The following ENOX1 variants were observed in gnomAD, a reference collection of about 807,000 sequenced individuals.
ENOX1 encodes the protein candidate growth-related and time keeping constitutive hydroquinone (NADH) oxidase.
Under a neutral mutation model 82.5 loss-of-function variants are expected in ENOX1, and 42 were observed. That is an observed-to-expected ratio of 0.51 (90% CI 0.40 to 0.66). ENOX1 has a LOEUF of 0.66. ENOX1 is among the 30% of genes least tolerant of loss of function. The probability of loss-of-function intolerance (pLI) is 0.00; values close to 1 mark genes in which losing one functional copy is unlikely to be tolerated. For missense variants in ENOX1, 608 were observed against 811.6 expected (o/e 0.75, Z 3.05); for synonymous variants, 271 against 282.2 (o/e 0.96, Z 0.40).
At chr13:43,348,016 C>G (rs1311505766) in intron 8 of ENOX1, among the ~76,000 whole-genome samples, 2 of 152,190 alleles carry the variant, frequency 1.3e-5, no homozygotes, top group South Asian at 2.1e-4. Flanking sequence ...TTTTTCCCTT[C>G]CATCCGTCCG....
intron 4 of ENOX1, 128 bp from the exon 5 acceptor site, chr13:43,412,181 C>A: frequency 2.8e-6 from 3 of 1,055,310 alleles, no homozygotes; most frequent in Non-Finnish European, 2.7e-6. Flanking sequence ...AAATAAAGAA[C>A]TATAATCTGC....
chr13:43,748,016 CTTG>C (rs577023389), intron 1 of ENOX1, among the ~76,000 whole-genome samples: 165 of 152,298 alleles, frequency 1.1e-3, no homozygotes, highest in Non-Finnish European at 2.1e-3. Flanking sequence ...CACTGCAATT[CTTG>C]TTATCTCAAA....
chr13:43,296,050 C>T (rs920034160), intron 12 of ENOX1, among the ~76,000 whole-genome samples: 2 of 152,118 alleles, frequency 1.3e-5, no homozygotes, highest in African/African-American at 4.8e-5. Flanking sequence ...CCCATAGGCA[C>T]CATGCTAGGC....
At chr13:43,770,835 A>AT (rs143454491) in intron 1 of ENOX1, among the ~76,000 whole-genome samples, 12,130 of 152,082 alleles carry the variant, frequency 0.08, 729 homozygotes, top group African/African-American at 0.16. Flanking sequence ...GTGCAACAAC[A>AT]GCATTTTTGT....
intron 1 of ENOX1, among the ~76,000 whole-genome samples, chr13:43,670,436 T>C (rs2085203193): frequency 6.6e-6 from 1 of 152,196 alleles, no homozygotes; most frequent in African/African-American, 2.4e-5. Context: ...AGCCCCTAGA[T>C]ACCATATATG....
chr13:43,452,126 C>CT (rs796987884), intron 3 of ENOX1, among the ~76,000 whole-genome samples: 8 of 152,114 alleles, frequency 5.3e-5, no homozygotes, highest in East Asian at 3.9e-4. Flanking sequence ...CTCTTTCTTT[C>CT]TTTTTTTTAT....
chr13:43,761,930 A>C (rs1951004262), intron 1 of ENOX1, among the ~76,000 whole-genome samples: 1 of 152,206 alleles, frequency 6.6e-6, no homozygotes, highest in South Asian at 2.1e-4. Context: ...GCCTCCTCCT[A>C]CAAATATAAT....
intron 3 of ENOX1, among the ~76,000 whole-genome samples, chr13:43,454,656 T>C (rs2057135310): frequency 6.6e-6 from 1 of 152,126 alleles, no homozygotes; most frequent in Non-Finnish European, 1.5e-5. Context: ...GATATTCCAG[T>C]TTACCTTACT....
intron 1 of ENOX1, among the ~76,000 whole-genome samples, chr13:43,672,206 G>T (rs2085301304): frequency 1.3e-5 from 2 of 151,938 alleles, no homozygotes; most frequent in African/African-American, 4.8e-5. Context: ...TTGACCCTTT[G>T]AAGGAAAAAA....
chr13:43,723,124 T>A (rs541619782), intron 1 of ENOX1, among the ~76,000 whole-genome samples: 1 of 152,272 alleles, frequency 6.6e-6, no homozygotes, highest in Admixed American at 6.5e-5. Context: ...TGAACACAGA[T>A]CTTAGGCCCC....
intron 3 of ENOX1, among the ~76,000 whole-genome samples, chr13:43,441,693 T>C (rs1199185533): frequency 6.6e-6 from 1 of 152,170 alleles, no homozygotes; most frequent in Non-Finnish European, 1.5e-5. Context: ...CTGGTAATCA[T>C]CATCTTTGGG....
chr13:43,463,581 C>CA (rs2057584039), intron 3 of ENOX1, among the ~76,000 whole-genome samples: 1 of 152,246 alleles, frequency 6.6e-6, no homozygotes, highest in South Asian at 2.1e-4. Context: ...CAAACACCAG[C>CA]AGACTGAAAA....
intron 12 of ENOX1, among the ~76,000 whole-genome samples, chr13:43,288,718 A>G (rs2045840128): frequency 6.6e-6 from 1 of 152,152 alleles, no homozygotes. Context: ...CTTCCTTCTA[A>G]TTGAACATTT....
chr13:43,725,662 T>C (rs1234070746), intron 1 of ENOX1, among the ~76,000 whole-genome samples: 2 of 152,118 alleles, frequency 1.3e-5, no homozygotes, highest in African/African-American at 4.8e-5. Flanking sequence ...CCTGACCAGC[T>C]AGAAGCCACT....
intron 1 of ENOX1, among the ~76,000 whole-genome samples, chr13:43,676,031 G>T (rs1440720014): frequency 2.0e-5 from 3 of 152,182 alleles, no homozygotes; most frequent in Admixed American, 2.0e-4. Context: ...TTTAAATTAT[G>T]AACCACAAGG....
chr13:43,624,827 C>T (rs575173536), intron 2 of ENOX1, among the ~76,000 whole-genome samples: 2 of 152,188 alleles, frequency 1.3e-5, no homozygotes, highest in Admixed American at 1.3e-4. Context: ...ATTGCCTAGA[C>T]TAAGTCCTTC....
At chr13:43,439,166 C>T (rs1049860001) in intron 3 of ENOX1, among the ~76,000 whole-genome samples, 4 of 151,170 alleles carry the variant, frequency 2.6e-5, no homozygotes, top group African/African-American at 9.7e-5. Context: ...TCTCCTGCCT[C>T]AGCCTCCCGA....
intron 1 of ENOX1, among the ~76,000 whole-genome samples, chr13:43,725,208 T>C (rs1267243181): frequency 6.6e-6 from 1 of 152,180 alleles, no homozygotes; most frequent in Non-Finnish European, 1.5e-5. Context: ...CATTTTACTT[T>C]TAAATCCTGC....
At chr13:43,216,410 A>ATG (rs756784145) in intron 16 of ENOX1, among the ~76,000 whole-genome samples, 1 of 152,166 alleles carries the variant, frequency 6.6e-6, no homozygotes, top group East Asian at 1.9e-4. Context: ...AGACATGTAT[A>ATG]TGTGTGTGTG....
Sources: gnomAD v4.1 joint callset for allele counts (sites outside exome capture counted in the v4.1 genomes callset) on GRCh38, gnomAD v4.1.1 for gene constraint, MANE v1.5 for transcripts, NCBI Gene and HGNC (gene_info 2026-07-23, HGNC 2026-07-21) for gene names.